THRB: variants seen among roughly 807,000 people sequenced by gnomAD.
THRB encodes nuclear receptor subfamily 1 group A member 2.
Under a neutral mutation model 47.8 loss-of-function variants are expected in THRB, and 12 were observed. The ratio of observed to expected loss-of-function variants is 0.25; its 90% CI spans 0.16 to 0.41. THRB has a LOEUF of 0.41. Among genes scored for constraint, THRB ranks in the 10% least tolerant of loss-of-function variants. The pLI is 1.00. For synonymous variants in THRB, 218 were observed against 212.2 expected, an observed-to-expected ratio of 1.03 and a Z score of -0.24; for missense variants, 348 against 589.2, an observed-to-expected ratio of 0.59 and a Z score of 4.24.
At chr3:24,422,890 C>A (rs963357418) in intron 1 of THRB, among the ~76,000 whole-genome samples, 1 of 151,866 alleles carries the variant, frequency 6.6e-6, no homozygotes, top group African/African-American at 2.4e-5. Context: ...TCTAGGGTAG[C>A]CATGTAACTT....
intron 2 of THRB, among the ~76,000 whole-genome samples, chr3:24,298,398 C>T (rs2056624962): frequency 2.6e-5 from 4 of 152,120 alleles, no homozygotes; most frequent in Admixed American, 2.6e-4. Context: ...TGTTCCAATT[C>T]GGTACAATTG....
At chr3:24,277,266 G>A (rs1040886401) in intron 3 of THRB, among the ~76,000 whole-genome samples, 3 of 152,144 alleles carry the variant, frequency 2.0e-5, no homozygotes, top group Non-Finnish European at 4.4e-5. Context: ...GGTGCCACGG[G>A]CATCTAGTGG....
rs528281092 is a variant in THRB at position 24,127,817 on chromosome 3, CA to C, written c.886-61del. On this transcript the variant is annotated intron_variant, in intron 9 of 10. Coordinates refer to ENST00000646209, the MANE Select transcript of THRB (RefSeq NM_001354712.2). ...ATGCAAAAATGCCAGTCAGGAACAA[CA>C]TACAGTATCTTAAAAGCAATAGGAA... 3.7e-5 allele frequency: 58 copies of C among 1,566,328 alleles called. No homozygotes were observed. The East Asian group carries it at 1.3e-3, about 34-fold the overall frequency.
chr3:24,226,460 G>T (rs181633790), intron 4 of THRB, among the ~76,000 whole-genome samples: 9 of 152,268 alleles, frequency 5.9e-5, no homozygotes, highest in Admixed American at 1.3e-4. Context: ...GTATGTGTCT[G>T]GAGTAGGTTT....
chr3:24,299,409 T>C (rs933325473), intron 2 of THRB, among the ~76,000 whole-genome samples: 32 of 151,888 alleles, frequency 2.1e-4, no homozygotes, highest in Admixed American at 2.0e-3. Context: ...CAGCCTTGCC[T>C]GGGGGAAGGA....
intron 2 of THRB, among the ~76,000 whole-genome samples, chr3:24,298,334 C>G (rs933645358): frequency 2.0e-5 from 3 of 152,218 alleles, no homozygotes; most frequent in Non-Finnish European, 4.4e-5. Context: ...ACTATCCACG[C>G]CCCATGGGAA....
intron 5 of THRB, among the ~76,000 whole-genome samples, chr3:24,185,156 A>G (rs1174615778): frequency 6.6e-6 from 1 of 152,242 alleles, no homozygotes; most frequent in African/African-American, 2.4e-5. Context: ...ACTTGTCTAA[A>G]TCTTGAGGAC....
upstream of THRB, chr3:24,495,484 G>A (rs1698888948): frequency 6.5e-6 from 1 of 152,966 alleles, no homozygotes; most frequent in South Asian, 1.9e-4. Flanking sequence ...GCCTCCCCAG[G>A]TGTGGGCGCT....
At chr3:24,205,687 T>A (rs1365830663) in intron 4 of THRB, among the ~76,000 whole-genome samples, 2 of 152,154 alleles carry the variant, frequency 1.3e-5, no homozygotes, top group Non-Finnish European at 2.9e-5. Flanking sequence ...ATTGCTCCAA[T>A]TAAAAGACAC....
chr3:24,397,750 T>A (rs112847515), intron 1 of THRB, among the ~76,000 whole-genome samples: 2,153 of 151,904 alleles, frequency 0.014, 22 homozygotes, highest in Middle Eastern at 0.02. Context: ...ACCTGGCTAA[T>A]TTTTTTGTAT....
chr3:24,474,774 T>C (rs1695200527), intron 1 of THRB, among the ~76,000 whole-genome samples: 1 of 152,116 alleles, frequency 6.6e-6, no homozygotes, highest in Admixed American at 6.6e-5. Context: ...GAACTGGAAG[T>C]ACAGGGAAAA....
At chr3:24,185,582 AT>A (rs2042466007) in intron 5 of THRB, among the ~76,000 whole-genome samples, 1 of 152,142 alleles carries the variant, frequency 6.6e-6, no homozygotes, top group Non-Finnish European at 1.5e-5. Flanking sequence ...GCACAGAGAC[AT>A]TTCTGTGAGA....
chr3:24,421,346 A>T (rs1172828411), intron 1 of THRB, among the ~76,000 whole-genome samples: 1 of 149,274 alleles, frequency 6.7e-6, no homozygotes, highest in Non-Finnish European at 1.5e-5. Context: ...CCTGAACCTA[A>T]AATAAAAGTC....
intron 1 of THRB, among the ~76,000 whole-genome samples, chr3:24,491,662 C>T (rs959477615): frequency 1.3e-5 from 2 of 152,192 alleles, no homozygotes; most frequent in Non-Finnish European, 2.9e-5. Context: ...CCAAATTGTA[C>T]CACCATGCAC....
intron 5 of THRB, among the ~76,000 whole-genome samples, chr3:24,155,487 C>T (rs2037679550): frequency 6.6e-6 from 1 of 152,192 alleles, no homozygotes; most frequent in Non-Finnish European, 1.5e-5. Flanking sequence ...CATTATTCTT[C>T]ATTAAATAAC....
intron 9 of THRB, among the ~76,000 whole-genome samples, chr3:24,132,172 T>C (rs1013293049): frequency 1.3e-5 from 2 of 152,130 alleles, no homozygotes; most frequent in African/African-American, 4.8e-5. Flanking sequence ...TTAGCTTCTT[T>C]TTAGGTGAGA....
intron 2 of THRB, among the ~76,000 whole-genome samples, chr3:24,316,025 T>C (rs1230740720): frequency 6.6e-6 from 1 of 152,224 alleles, no homozygotes; most frequent in Non-Finnish European, 1.5e-5. Flanking sequence ...GTGACAGCTC[T>C]TGTTTGCTCC....
intron 2 of THRB, among the ~76,000 whole-genome samples, chr3:24,302,622 T>C (rs749993278): frequency 2.0e-5 from 3 of 152,224 alleles, no homozygotes; most frequent in Non-Finnish European, 4.4e-5. Context: ...CAACTTATTG[T>C]AAGTGAAGCC....
intron 1 of THRB, among the ~76,000 whole-genome samples, chr3:24,340,872 T>C (rs1262078974): frequency 1.3e-5 from 2 of 152,196 alleles, no homozygotes; most frequent in East Asian, 1.9e-4. Flanking sequence ...AATTCACATA[T>C]ATCTTGGGTA....
Sources: allele counts gnomAD v4.1 joint callset (sites outside exome capture counted in the v4.1 genomes callset), GRCh38; gene constraint gnomAD v4.1.1; transcripts MANE v1.5; gene names NCBI Gene and HGNC (gene_info 2026-07-23, HGNC 2026-07-21).